MARCHF1: variants seen among roughly 807,000 people sequenced by gnomAD.
The protein encoded by MARCHF1 is E3 ubiquitin-protein ligase MARCHF1.
MARCHF1 carries 40 observed loss-of-function variants against 54.2 expected under a neutral mutation model. That is an observed-to-expected ratio of 0.74 (90% confidence interval 0.57 to 0.96). MARCHF1 has a LOEUF of 0.96. Ranked by LOEUF, MARCHF1 falls within the 40% of genes least tolerant of loss-of-function variation. The probability of loss-of-function intolerance (pLI) is 0.00; values close to 1 mark genes in which losing one functional copy is unlikely to be tolerated. For missense variants in MARCHF1, 586 were observed against 656.5 expected, an observed-to-expected ratio of 0.89 and a Z score of 1.17; for synonymous variants, 236 against 236.3, an observed-to-expected ratio of 1.00 and a Z score of 0.01.
chr4:164,210,602 T>C (rs894975693), intron 1 of MARCHF1, among the ~76,000 whole-genome samples: 3 of 152,118 alleles, frequency 2.0e-5, no homozygotes, highest in African/African-American at 7.2e-5. Context: ...ATATAGATAG[T>C]GTTTCATGTT....
At chr4:163,726,929 G>A (rs773648125) in intron 4 of MARCHF1, among the ~76,000 whole-genome samples, 6 of 152,044 alleles carry the variant, frequency 3.9e-5, no homozygotes, top group South Asian at 2.1e-4. Context: ...TTTTCTTATC[G>A]TTGAGTTTTA....
At chr4:164,286,095 C>T (rs1170069349) in intron 1 of MARCHF1, among the ~76,000 whole-genome samples, 1 of 152,078 alleles carries the variant, frequency 6.6e-6, no homozygotes, top group Non-Finnish European at 1.5e-5. Flanking sequence ...ATAGCTCCAA[C>T]AAAATGGCTA....
intron 1 of MARCHF1, among the ~76,000 whole-genome samples, chr4:164,198,527 C>T (rs73873818): frequency 0.012 from 1,821 of 152,278 alleles, 36 homozygotes; most frequent in African/African-American, 0.042. Context: ...TCCTATGTCC[C>T]ACATTGACAA....
chr4:163,943,641 C>T (rs1283621737), intron 3 of MARCHF1, among the ~76,000 whole-genome samples: 1 of 150,276 alleles, frequency 6.7e-6, no homozygotes, highest in African/African-American at 2.5e-5. Flanking sequence ...TAATGGGTAA[C>T]AGACTTAATA....
At chr4:164,173,572 G>C (rs1325783102) in intron 1 of MARCHF1, among the ~76,000 whole-genome samples, 1 of 152,252 alleles carries the variant, frequency 6.6e-6, no homozygotes, top group East Asian at 1.9e-4. Flanking sequence ...TTGGGTCATG[G>C]GGGTAAATGA....
At chr4:163,849,874 C>T (rs941539965) in intron 4 of MARCHF1, among the ~76,000 whole-genome samples, 3 of 151,986 alleles carry the variant, frequency 2.0e-5, no homozygotes, top group African/African-American at 7.2e-5. Context: ...TTTATTAAGG[C>T]TCCTATCCTT....
chr4:164,383,185 A>C (rs1431074549), intron 1 of MARCHF1: 1 of 152,014 alleles, frequency 6.6e-6, no homozygotes, highest in Non-Finnish European at 1.5e-5. Flanking sequence ...TGCGACACTC[A>C]CCCGTGAGCG....
intron 1 of MARCHF1, among the ~76,000 whole-genome samples, chr4:164,278,291 T>C (rs1242478517): frequency 3.3e-5 from 5 of 152,116 alleles, no homozygotes; most frequent in African/African-American, 9.7e-5. Flanking sequence ...GCCTGGGTAA[T>C]AGAGTAAGAC....
At chr4:163,654,033 C>T (rs1743058260) in intron 5 of MARCHF1, among the ~76,000 whole-genome samples, 2 of 151,678 alleles carry the variant, frequency 1.3e-5, no homozygotes. Context: ...TAAGAACCAC[C>T]ATGAATAGAA....
chr4:164,102,615 C>T (rs1241129532), intron 2 of MARCHF1, among the ~76,000 whole-genome samples: 8 of 151,198 alleles, frequency 5.3e-5, no homozygotes, highest in Non-Finnish European at 1.5e-5. Flanking sequence ...CTGAAGGAAG[C>T]ACTAAACATG....
intron 7 of MARCHF1, among the ~76,000 whole-genome samples, chr4:163,601,853 T>C (rs910790266): frequency 1.3e-5 from 2 of 152,056 alleles, no homozygotes; most frequent in Non-Finnish European, 1.5e-5. Context: ...TTTCTAAAAA[T>C]TGAAGTGACT....
intron 1 of MARCHF1, among the ~76,000 whole-genome samples, chr4:164,141,658 G>A (rs1171104120): frequency 1.3e-5 from 2 of 152,164 alleles, no homozygotes; most frequent in Non-Finnish European, 2.9e-5. Flanking sequence ...ATGGCAACTT[G>A]GTAAAAGTAC....
At chr4:164,311,688 A>G (rs1015211655) in intron 1 of MARCHF1, among the ~76,000 whole-genome samples, 7 of 152,234 alleles carry the variant, frequency 4.6e-5, no homozygotes, top group Admixed American at 3.9e-4. Context: ...CAAATTAGAT[A>G]GTATTTGTGA....
chr4:163,920,437 T>C (rs9997375), intron 3 of MARCHF1, among the ~76,000 whole-genome samples: 34,347 of 152,120 alleles, frequency 0.23, 4,869 homozygotes, highest in East Asian at 0.4. Context: ...TTATGCTTTG[T>C]TTTCACCTTC....
rs550401591 is a variant in MARCHF1 at position 164,240,346 on chromosome 4, C to T, written c.-322-128684G>A. Among the ~76,000 whole-genome samples the T allele has an allele frequency of 2.0e-5, 3 of 152,298 alleles. No individual in the cohort carries two copies. In the East Asian group the frequency reaches 5.8e-4, roughly 29 times the overall value. ...TTTATTTGGCTTTACTTTGGAATAA[C>T]CTTAGCCATCTTTTAGAGATTGCTT... On this transcript the variant is annotated intron_variant, in intron 1 of 9. Coordinates refer to ENST00000514618, the MANE Select transcript of MARCHF1 (RefSeq NM_001394959.1).
intron 1 of MARCHF1, among the ~76,000 whole-genome samples, chr4:164,382,504 C>G (rs1379749825): frequency 6.6e-6 from 1 of 151,942 alleles, no homozygotes; most frequent in Non-Finnish European, 1.5e-5. Context: ...TAAATTCATA[C>G]ATACAAAATT....
intron 7 of MARCHF1, among the ~76,000 whole-genome samples, chr4:163,593,763 C>T (rs757883093): frequency 1.3e-4 from 20 of 152,144 alleles, no homozygotes; most frequent in African/African-American, 2.4e-4. Context: ...ATTAGAAATA[C>T]GCCTTTGCAT....
Position 163,804,716 on chromosome 4 carries a change from TAGAG to T in MARCHF1, c.111+49301_111+49304del, listed in dbSNP as rs550380065. On this transcript the variant is annotated intron_variant, in intron 4 of 9. Coordinates refer to ENST00000514618, the MANE Select transcript of MARCHF1 (RefSeq NM_001394959.1). ...AAAGCTGAATCAATCATCCATAGAATAGAGAGCCAAAATTTATGCAAATGCCTAC... is the reference window on the plus strand; with the variant it reads ...AAAGCTGAATCAATCATCCATAGAATAGCCAAAATTTATGCAAATGCCTAC... Among the ~76,000 whole-genome samples, 459 of 152,256 alleles carry T rather than the reference TAGAG, an allele frequency of 3.0e-3. 2 individuals carry two copies. Among genetic ancestry groups the T allele is most frequent in the African/African-American group, 0.011 (437 of 41,570 alleles).
chr4:163,665,610 A>T (rs1259742444), intron 5 of MARCHF1, among the ~76,000 whole-genome samples: 1 of 152,038 alleles, frequency 6.6e-6, no homozygotes, highest in East Asian at 1.9e-4. Context: ...GAAAATAAAA[A>T]CCTGTTAAGG....
Sources: gnomAD v4.1 joint callset for allele counts (sites outside exome capture counted in the v4.1 genomes callset) on GRCh38, gnomAD v4.1.1 for gene constraint, MANE v1.5 for transcripts, NCBI Gene and HGNC (gene_info 2026-07-23, HGNC 2026-07-21) for gene names.